The following SYT14 variants were observed in gnomAD, a reference collection of about 807,000 sequenced individuals.
SYT14 encodes synaptotagmin 14, also known as synaptotagmin-14.
A neutral mutation model predicts 74.2 loss-of-function variants in SYT14; 32 were observed. The observed-to-expected ratio is 0.43, with a 90% CI of 0.33 to 0.58. SYT14 has a LOEUF of 0.58. Among genes scored for constraint, SYT14 ranks in the 20% least tolerant of loss-of-function variants. The pLI is 0.05. For synonymous variants in SYT14, 298 were observed against 337.7 expected, an observed-to-expected ratio of 0.88 and a Z score of 1.29; for missense variants, 791 against 981.8, an observed-to-expected ratio of 0.81 and a Z score of 2.60.
chr1:210,072,726 C>G (rs1454322253), intron 5 of SYT14, among the ~76,000 whole-genome samples: 1 of 152,042 alleles, frequency 6.6e-6, no homozygotes, highest in Non-Finnish European at 1.5e-5. Context: ...AGGTTCTAAA[C>G]TACCCCTGAG....
Position 210,074,708 on chromosome 1 carries a change from A to C in SYT14, c.1313-19614A>C, listed in dbSNP as rs548428435. Among the ~76,000 whole-genome samples the C allele has an allele frequency of 1.2e-3, 181 of 152,224 alleles. 1 individual carries two copies. Among genetic ancestry groups the C allele is most frequent in the African/African-American group, 4.2e-3 (175 of 41,546 alleles). On this transcript the variant is annotated intron_variant, in intron 5 of 9. Coordinates refer to ENST00000637265, the Ensembl canonical transcript of SYT14. The stretch of plus-strand genomic sequence containing the variant: ...GGAAAAGTTCCCTTGTCCCCCTCTC[A>C]GGGCGTGTGATGGTGGTGTGGATTG...
chr1:209,942,473 A>G (rs907650869), intron 1 of SYT14, among the ~76,000 whole-genome samples: 13 of 149,356 alleles, frequency 8.7e-5, no homozygotes, highest in Admixed American at 6.0e-4. Flanking sequence ...TTCACCTCCC[A>G]CATCTGTTGA....
chr1:209,997,875 T>G (rs2079826356), intron 2 of SYT14, among the ~76,000 whole-genome samples: 1 of 152,182 alleles, frequency 6.6e-6, no homozygotes, highest in South Asian at 2.1e-4. Flanking sequence ...TTTTTCAATT[T>G]TAACGGTGAT....
At chr1:210,012,258 C>G (rs2080099416) in intron 2 of SYT14, among the ~76,000 whole-genome samples, 2 of 152,214 alleles carry the variant, frequency 1.3e-5, no homozygotes, top group Admixed American at 1.3e-4. Flanking sequence ...AGTCCCTGTT[C>G]TTTCCCAATC....
intron 5 of SYT14, among the ~76,000 whole-genome samples, chr1:210,083,783 T>C (rs2081663980): frequency 6.7e-6 from 1 of 149,274 alleles, no homozygotes; most frequent in Non-Finnish European, 1.5e-5. Context: ...TGCCCAGGCT[T>C]AGTCTCGAAC....
At chr1:210,045,413 T>G (rs927462123) in intron 5 of SYT14, among the ~76,000 whole-genome samples, 2 of 152,194 alleles carry the variant, frequency 1.3e-5, no homozygotes, top group African/African-American at 4.8e-5. Context: ...CACTTAAAAA[T>G]TTATAAGTTT....
intron 7 of SYT14, among the ~76,000 whole-genome samples, chr1:210,127,582 A>T (rs1198284013): frequency 6.6e-6 from 1 of 152,224 alleles, no homozygotes; most frequent in African/African-American, 2.4e-5. Context: ...AACAGTGTTC[A>T]CTGTGACTTA....
chr1:209,959,225 C>T (rs183346950), intron 2 of SYT14, among the ~76,000 whole-genome samples: 254 of 152,210 alleles, frequency 1.7e-3, no homozygotes, highest in African/African-American at 5.9e-3. Context: ...TCACTACAAC[C>T]TCCGCCTCCT....
At chr1:210,021,115 G>A in exon 5 of SYT14, 2 of 1,613,938 alleles carry the variant, frequency 1.2e-6, no homozygotes, top group African/African-American at 1.3e-5. Context: ...AATATCATGA[G>A]GCCTTATCCA....
At chr1:210,150,965 C>T (rs2083146161) in intron 7 of SYT14, among the ~76,000 whole-genome samples, 1 of 152,146 alleles carries the variant, frequency 6.6e-6, no homozygotes, top group Non-Finnish European at 1.5e-5. Flanking sequence ...AATGTAATGG[C>T]CACCTTAACC....
At chr1:210,132,933 A>G (rs2082708134) in intron 7 of SYT14, among the ~76,000 whole-genome samples, 1 of 152,104 alleles carries the variant, frequency 6.6e-6, no homozygotes, top group African/African-American at 2.4e-5. Context: ...GCCCTGTAAA[A>G]CCTGACTTCA....
At chr1:210,068,455 T>C (rs1238050183) in intron 5 of SYT14, among the ~76,000 whole-genome samples, 2 of 151,758 alleles carry the variant, frequency 1.3e-5, no homozygotes, top group Non-Finnish European at 3.0e-5. Flanking sequence ...TTTTCATTTC[T>C]CTAGACCATT....
At chr1:210,002,903 CAT>C (rs1310844784) in intron 2 of SYT14, among the ~76,000 whole-genome samples, 1 of 151,942 alleles carries the variant, frequency 6.6e-6, no homozygotes, top group East Asian at 1.9e-4. Context: ...CTTGCCTAGT[CAT>C]TATATCTTTT....
intron 9 of SYT14, among the ~76,000 whole-genome samples, chr1:210,159,919 T>G (rs1181972178): frequency 6.6e-6 from 1 of 152,190 alleles, no homozygotes; most frequent in Admixed American, 6.6e-5. Context: ...CTGTTATGTT[T>G]CACTTCGTAC....
At chr1:210,046,078 A>T (rs960250546) in intron 5 of SYT14, among the ~76,000 whole-genome samples, 1 of 152,168 alleles carries the variant, frequency 6.6e-6, no homozygotes, top group East Asian at 1.9e-4. Context: ...TTTTCTTTAA[A>T]ATTTACTCAT....
intron 2 of SYT14, among the ~76,000 whole-genome samples, chr1:209,957,674 A>T (rs769797966): frequency 2.0e-5 from 3 of 151,886 alleles, no homozygotes; most frequent in Non-Finnish European, 4.4e-5. Context: ...TGATCTACCC[A>T]CTTCAGCCTC....
intron 2 of SYT14, among the ~76,000 whole-genome samples, chr1:209,995,447 A>G (rs2079771399): frequency 6.6e-6 from 1 of 152,234 alleles, no homozygotes; most frequent in Non-Finnish European, 1.5e-5. Flanking sequence ...TATCCTAAAT[A>G]CATAGACACC....
chr1:210,128,111 G>A (rs182720119), intron 7 of SYT14, among the ~76,000 whole-genome samples: 26 of 151,540 alleles, frequency 1.7e-4, no homozygotes, highest in African/African-American at 6.0e-4. Flanking sequence ...GGTGGCTCAC[G>A]CCTGTAATCC....
intron 5 of SYT14, among the ~76,000 whole-genome samples, chr1:210,056,932 C>T (rs1009979766): frequency 1.3e-5 from 2 of 152,026 alleles, no homozygotes; most frequent in Non-Finnish European, 2.9e-5. Flanking sequence ...GCAACCTCCA[C>T]CTCCCAGGCT....
Sources: allele counts gnomAD v4.1 joint callset (sites outside exome capture counted in the v4.1 genomes callset), GRCh38; gene constraint gnomAD v4.1.1; transcripts MANE v1.5; gene names NCBI Gene and HGNC (gene_info 2026-07-23, HGNC 2026-07-21).